Variants in EXT2 observed in about 807,000 individuals in gnomAD.
The protein encoded by EXT2 is exostosin-2.
A neutral mutation model predicts 81.6 loss-of-function variants in EXT2; 53 were observed. The observed-to-expected ratio is 0.65, with a 90% CI of 0.52 to 0.82. EXT2 has a LOEUF of 0.82. Ranked by LOEUF, EXT2 falls within the 40% of genes least tolerant of loss-of-function variation. The pLI, the probability that EXT2 is intolerant of heterozygous loss-of-function variation, is 0.00. For synonymous variants in EXT2, 320 were observed against 340.0 expected, an observed-to-expected ratio of 0.94 and a Z score of 0.65; for missense variants, 774 against 910.2, an observed-to-expected ratio of 0.85 and a Z score of 1.93.
chr11:44,107,796 C>A lies in EXT2; in HGVS notation c.84C>A (p.Thr28=), dbSNP rs1954077511. ...CCAAGCACCGAATCTACTATATCAC[C>A]CTCTTCTCCATTGTCCTCCTGGGCC... The part of the protein sequence containing the change: ...MKTKHRIYYI[T]LFSIVLLGLI... Residue 28 remains threonine (T), a synonymous_variant, in exon 2 of 14, where the codon ACC becomes ACA. Coordinates refer to ENST00000533608, the MANE Select transcript of EXT2 (RefSeq NM_207122.2). The A allele has an allele frequency of 2.5e-6, 4 of 1,614,142 alleles. No homozygotes were observed. The highest frequency in any genetic ancestry group is 3.4e-6 in the Non-Finnish European group (4 of 1,180,028).
rs1454461470 is a variant in EXT2, at chr11:44,241,290, A to G, written c.2019-2859A>G. Among the ~76,000 whole-genome samples, 7 of 152,242 alleles carry G rather than the reference A, an allele frequency of 4.6e-5. No individual in the cohort carries two copies. The East Asian group carries it at 5.8e-4, about 13-fold the overall frequency. On this transcript the variant is annotated intron_variant, in intron 13 of 13. Coordinates refer to ENST00000533608, the MANE Select transcript of EXT2 (RefSeq NM_207122.2). ...ACAGTATTGACTTAAAAAAAAGAAC[A>G]TAGTATTTTGAATTAGGCTAATCTT...
At position 44,125,696 on chromosome 11, in the gene EXT2, T is replaced by A. The variant is rs943293794; in HGVS notation, c.939+712T>A. 5.3e-5 allele frequency among the ~76,000 whole-genome samples: 8 copies of A among 150,704 alleles called. No homozygotes were observed. The East Asian group carries it at 1.6e-3, about 30-fold the overall frequency. On this transcript the variant is annotated intron_variant, in intron 5 of 13. Transcript: ENST00000533608. The stretch of plus-strand genomic sequence containing the variant: ...GCTGGTGTGATTTTTTTTTTTTTAA[T>A]CTCCAGAGAGCTTGCCCATACTGGG...
At chr11:44,148,091 A>G (rs1954745151) in intron 7 of EXT2, among the ~76,000 whole-genome samples, 1 of 152,098 alleles carries the variant, frequency 6.6e-6, no homozygotes, top group African/African-American at 2.4e-5. Flanking sequence ...TTTAGCTTTA[A>G]ATGTCTCCAT....
At chr11:44,157,788 G>A (rs1954875952) in intron 7 of EXT2, among the ~76,000 whole-genome samples, 1 of 152,204 alleles carries the variant, frequency 6.6e-6, no homozygotes, top group East Asian at 1.9e-4. Flanking sequence ...CTGAGCAGGA[G>A]GAGTCTCTCC....
intron 10 of EXT2, among the ~76,000 whole-genome samples, chr11:44,229,462 A>C (rs969993032): frequency 1.3e-5 from 2 of 152,176 alleles, no homozygotes; most frequent in Non-Finnish European, 2.9e-5. Flanking sequence ...TGTGGGTTTG[A>C]GAGCCCTGTT....
intron 7 of EXT2, among the ~76,000 whole-genome samples, chr11:44,147,883 A>G (rs147115495): frequency 1.1e-3 from 159 of 147,528 alleles, no homozygotes; most frequent in Admixed American, 4.0e-3. Flanking sequence ...GCAAGCTACT[A>G]TTTTAGGTGC....
intron 10 of EXT2, among the ~76,000 whole-genome samples, chr11:44,211,983 C>T (rs947082072): frequency 6.6e-6 from 1 of 152,050 alleles, no homozygotes; most frequent in African/African-American, 2.4e-5. Context: ...CTGCTTGAAA[C>T]ATTTTTTAAA....
intron 10 of EXT2, among the ~76,000 whole-genome samples, chr11:44,219,515 T>G (rs1040972536): frequency 6.6e-6 from 1 of 152,064 alleles, no homozygotes; most frequent in Non-Finnish European, 1.5e-5. Context: ...TAATTAAAAA[T>G]AAAAATGCAA....
At chr11:44,189,298 CAT>C (rs998603900) in intron 8 of EXT2, among the ~76,000 whole-genome samples, 1 of 152,124 alleles carries the variant, frequency 6.6e-6, no homozygotes, top group African/African-American at 2.4e-5. Flanking sequence ...CCATTTTTCA[CAT>C]GTCTGTTTAA....
chr11:44,117,443 G>T (rs980817567), intron 4 of EXT2, among the ~76,000 whole-genome samples: 1 of 152,042 alleles, frequency 6.6e-6, no homozygotes, highest in Non-Finnish European at 1.5e-5. Context: ...TTACAGTTTT[G>T]GCTCTTACAT....
intron 4 of EXT2, among the ~76,000 whole-genome samples, chr11:44,122,755 C>A (rs78507850): frequency 1.3e-5 from 2 of 152,164 alleles, no homozygotes; most frequent in Non-Finnish European, 1.5e-5. Flanking sequence ...TACCTTGTGG[C>A]GTAGCTCCAT....
rs1025640569 is a variant in EXT2 at position 44,108,030 on chromosome 11, G to A, written c.318G>A (p.Val106=). 1.9e-6 allele frequency: 3 copies of A among 1,614,156 alleles called. No homozygotes were observed. The highest frequency in any genetic ancestry group is 2.2e-5 in the South Asian group (2 of 91,076). The change falls in exon 2 of 14, where the codon GTG becomes GTA. Residue 106 remains valine, a synonymous_variant. Transcript: ENST00000533608. ...CGFNPKNKIK[V]YIYALKKYVD... Reference sequence around the variant, plus strand: ...TCAACCCAAAGAACAAAATCAAGGTGTATATCTATGCTCTGAAAAAGTACG... The same window carrying A: ...TCAACCCAAAGAACAAAATCAAGGTATATATCTATGCTCTGAAAAAGTACG...
chr11:44,174,435 C>CAT (rs1254609779), intron 8 of EXT2, among the ~76,000 whole-genome samples: 3 of 151,076 alleles, frequency 2.0e-5, no homozygotes, highest in African/African-American at 7.3e-5. Context: ...TATTTGTGTA[C>CAT]ATATATATAT....
chr11:44,214,049 G>A (rs918950959), intron 10 of EXT2, among the ~76,000 whole-genome samples: 2 of 152,088 alleles, frequency 1.3e-5, no homozygotes, highest in African/African-American at 4.8e-5. Flanking sequence ...ATATGCATAG[G>A]TGCCACATTC....
At chr11:44,225,532 C>G (rs1955829603) in intron 10 of EXT2, among the ~76,000 whole-genome samples, 1 of 152,220 alleles carries the variant, frequency 6.6e-6, no homozygotes, top group Non-Finnish European at 1.5e-5. Context: ...GGTCATTCAG[C>G]AGGCACCTGT....
intron 7 of EXT2, among the ~76,000 whole-genome samples, chr11:44,133,135 ACTGTTCT>A (rs1246476027): frequency 6.6e-6 from 1 of 152,214 alleles, no homozygotes. Context: ...ACTGAGAACC[ACTGTTCT>A]CTATAGATAG....
intron 10 of EXT2, among the ~76,000 whole-genome samples, chr11:44,211,156 A>G (rs919615193): frequency 6.6e-6 from 1 of 152,234 alleles, no homozygotes; most frequent in African/African-American, 2.4e-5. Flanking sequence ...CCACACATGT[A>G]TGGCCTTGTA....
intron 7 of EXT2, among the ~76,000 whole-genome samples, chr11:44,134,097 C>T (rs539647125): frequency 8.5e-5 from 13 of 152,286 alleles, no homozygotes; most frequent in Non-Finnish European, 1.5e-5. Flanking sequence ...GCAGTGCTGC[C>T]ACACGTGGCA....
intron 10 of EXT2, among the ~76,000 whole-genome samples, chr11:44,215,708 TAA>T (rs1955709305): frequency 6.6e-6 from 1 of 152,118 alleles, no homozygotes; most frequent in African/African-American, 2.4e-5. Context: ...GTCATTTCTG[TAA>T]TAGTTAAATT....
Sources: gnomAD v4.1 joint callset for allele counts (sites outside exome capture counted in the v4.1 genomes callset) on GRCh38, gnomAD v4.1.1 for gene constraint, MANE v1.5 for transcripts, NCBI Gene and HGNC (gene_info 2026-07-23, HGNC 2026-07-21) for gene names.